Variants in STK36 observed in about 807,000 individuals in gnomAD.
The protein encoded by STK36 is serine/threonine-protein kinase 36.
A neutral mutation model predicts 142.2 loss-of-function variants in STK36; 116 were observed. The observed-to-expected ratio is 0.82, with a 90% CI of 0.70 to 0.95. STK36 has a LOEUF of 0.95. Among genes scored for constraint, STK36 ranks in the 40% least tolerant of loss-of-function variants. The pLI, the probability that STK36 is intolerant of heterozygous loss-of-function variation, is 0.00. For synonymous variants in STK36, 619 were observed against 641.7 expected, an observed-to-expected ratio of 0.96 and a Z score of 0.53; for missense variants, 1,422 against 1,617.2, an observed-to-expected ratio of 0.88 and a Z score of 2.07.
At position 218,692,705 on chromosome 2, in the gene STK36, G is replaced by T; in HGVS notation, c.2038G>T (p.Glu680Ter). Residue 680 changes from glutamate (E) to a stop codon, truncating the protein, a stop_gained, in exon 16 of 27, where the codon GAG (glutamate) becomes TAG (stop). Coordinates refer to ENST00000295709, the MANE Select transcript of STK36 (RefSeq NM_015690.5). LOFTEE classifies it high-confidence loss of function. Reference sequence around the variant, plus strand: ...ACTGCCCGACTGCTGGGATGCCAAGGAGCAGGTCCGAGCTACAATTGGTTG... The same window carrying T: ...ACTGCCCGACTGCTGGGATGCCAAGTAGCAGGTCCGAGCTACAATTGGTTG... ...VGLPDCWDAK[E>*]QVCWHLANQL... is the part of the protein sequence containing the mutation. 1 of 1,611,712 alleles carries T rather than the reference G, an allele frequency of 6.2e-7. No individual in the cohort carries two copies.
intron 12 of STK36, among the ~76,000 whole-genome samples, chr2:218,689,423 A>G (rs1008737580): frequency 6.6e-6 from 1 of 152,180 alleles, no homozygotes; most frequent in Admixed American, 6.5e-5. Context: ...TAGAGACTCA[A>G]TGTGTTTGGG....
At position 218,692,306 on chromosome 2, in the gene STK36, G is replaced by A; in HGVS notation, c.1915+13G>A. The A allele has an allele frequency of 6.2e-7, 1 of 1,613,790 alleles. No individual in the cohort carries two copies. The highest frequency in any genetic ancestry group is 8.5e-7 in the Non-Finnish European group (1 of 1,179,970). On this transcript the variant is annotated intron_variant, in intron 15 of 26. Transcript: ENST00000295709. ...CACACTCCCCAAGGTAACCAGAGTG[G>A]AGAAGGGAGGTTCTCTTGACTTACT...
rs751300269 is a variant in STK36, at chr2:218,673,779, G to T, written c.225+14G>T. 1 of 1,613,668 alleles carries T rather than the reference G, an allele frequency of 6.2e-7. No individual in the cohort carries two copies. On this transcript the variant is annotated intron_variant, in intron 3 of 26. Transcript: ENST00000295709. ...ACTGATAAAGAGGTGTGCTTTGACA[G>T]TTTTGGGCCCTGTCTCCCCAAGCAC...
intron 4 of STK36, 99 bp downstream of exon 4, chr2:218,674,055 G>T: frequency 8.5e-7 from 1 of 1,177,738 alleles, no homozygotes; most frequent in South Asian, 1.4e-5. Flanking sequence ...CCATTTCAAA[G>T]ACTTCTGAGA....
At chr2:218,672,488 C>G (rs1940030638) in intron 1 of STK36, 2 of 322,054 alleles carry the variant, frequency 6.2e-6, no homozygotes, top group East Asian at 1.5e-4. Flanking sequence ...TTGGGCGAGG[C>G]TAGGTTGAAA....
Position 218,694,366 on chromosome 2 carries a change from T to G in STK36, c.2400+39T>G, listed in dbSNP as rs1477363031. 2 of 1,583,988 alleles carry G rather than the reference T, an allele frequency of 1.3e-6. No homozygotes were observed. The highest frequency in any genetic ancestry group is 1.7e-6 in the Non-Finnish European group (2 of 1,152,830). ...CTTCACCCTCCTCCCCTTTTCACCCTAGCATCTACCCCTTGTGGAAGTGGG... is the reference window on the plus strand; with the variant it reads ...CTTCACCCTCCTCCCCTTTTCACCCGAGCATCTACCCCTTGTGGAAGTGGG... On this transcript the variant is annotated intron_variant, in intron 20 of 26. Coordinates refer to ENST00000295709, the MANE Select transcript of STK36 (RefSeq NM_015690.5). This position sits in a 1 kb window ranked among gnomAD's most constrained non-coding sequence, Gnocchi z 4.4.
intron 6 of STK36, 39 bp from the exon 7 acceptor site, chr2:218,679,129 G>T (rs1369648359): frequency 4.4e-6 from 7 of 1,591,186 alleles, no homozygotes; most frequent in Non-Finnish European, 6.0e-6. Flanking sequence ...CTTAAGGGAA[G>T]GGAAAGAATG....
At chr2:218,691,321 C>A (rs1940988409) in intron 14 of STK36, among the ~76,000 whole-genome samples, 1 of 152,172 alleles carries the variant, frequency 6.6e-6, no homozygotes, top group Non-Finnish European at 1.5e-5. Context: ...CTTTAGCTAG[C>A]ATTCACTCAG....
rs779877731 is a variant in STK36 at position 218,676,046 on chromosome 2, G to A, written c.452G>A (p.Ser151Asn). 3.7e-6 allele frequency: 6 copies of A among 1,614,000 alleles called. No homozygotes were observed. The South Asian group carries it at 6.6e-5, about 18-fold the overall frequency. Residue 151 changes from serine to asparagine, a missense_variant, in exon 6 of 27, where the codon AGC becomes AAC. Ser to Asn is a conservative substitution (Grantham distance 46). Around this residue, in one of 2 missense-constraint regions of STK36, gnomAD observed 460 missense variants for 449.6 expected, o/e 1.02. Coordinates refer to ENST00000295709, the MANE Select transcript of STK36 (RefSeq NM_015690.5). The stretch of plus-strand genomic sequence containing the variant: ...TTCTGCAGATTTGCCCGGGCTATGA[G>A]CACCAATACAATGGTGCTGACATCC... ...LCDFGFARAM[S>N]TNTMVLTSIK...
In STK36 at chr2:218,679,708, G is replaced by A; in HGVS notation, c.927G>A (p.Met309Ile). The A allele has an allele frequency of 6.2e-7, 1 of 1,614,228 alleles. No homozygotes were observed. Among genetic ancestry groups the A allele is most frequent in the Non-Finnish European group, 8.5e-7 (1 of 1,180,044 alleles). Reference sequence around the variant, plus strand: ...TCTTGACTCAGGCCTATAAACGCATGGCTGAGGAGGCCATGCAGAAGGTGT... The same window carrying A: ...TCTTGACTCAGGCCTATAAACGCATAGCTGAGGAGGCCATGCAGAAGGTGT... ...SRILTQAYKR[M>I]AEEAMQKKHQ... Residue 309 changes from methionine (M) to isoleucine (I), a missense_variant, in exon 8 of 27, where the codon ATG (methionine) becomes ATA (isoleucine). Around this residue, in one of 2 missense-constraint regions of STK36, gnomAD observed 460 missense variants for 449.6 expected, o/e 1.02. Transcript: ENST00000295709.
intron 2 of STK36, 182 bp downstream of exon 2, chr2:218,673,095 C>T (rs903863151): frequency 2.2e-5 from 12 of 550,268 alleles, no homozygotes; most frequent in African/African-American, 1.7e-4. Context: ...ATCTCCACCG[C>T]TTTCTAGCCC....
chr2:218,685,375 C>A, intron 11 of STK36, 147 bp downstream of exon 11: 1 of 1,032,552 alleles, frequency 9.7e-7, no homozygotes, highest in Non-Finnish European at 1.4e-6. Flanking sequence ...TTACCAACCT[C>A]CTTTAGTAAC....
In STK36 at chr2:218,679,884, C is replaced by T. The variant is rs767990625; in HGVS notation, c.949-9C>T. 6 of 1,611,794 alleles carry T rather than the reference C, an allele frequency of 3.7e-6. No individual in the cohort carries two copies. In the South Asian group the frequency reaches 4.4e-5, roughly 12 times the overall value. On this transcript the variant is annotated splice_polypyrimidine_tract_variant and intron_variant, in intron 8 of 26. Coordinates refer to ENST00000295709, the MANE Select transcript of STK36 (RefSeq NM_015690.5). The stretch of plus-strand genomic sequence containing the variant: ...GCTCTGATTCAGTGTTGCCCCCTAC[C>T]TCCCACAGAAACATCAGAACACAGG...
chr2:218,691,679 T>C (rs1941003799), intron 14 of STK36, among the ~76,000 whole-genome samples: 1 of 152,142 alleles, frequency 6.6e-6, no homozygotes. Context: ...TCTCGGCCTC[T>C]TGAGTAGCTG....
rs976557829 is a variant in STK36, at chr2:218,672,128, G to A, written c.-177G>A. On this transcript the variant is annotated 5_prime_UTR_variant, in exon 1 of 27. Coordinates refer to ENST00000295709, the MANE Select transcript of STK36 (RefSeq NM_015690.5). The stretch of plus-strand genomic sequence containing the variant: ...CTGAGGCAGTTCGGATGTGTCCCAG[G>A]AAGTGCCCATGTGTGGTCCGCCGTC... 6 of 819,968 alleles carry A rather than the reference G, an allele frequency of 7.3e-6. No individual in the cohort carries two copies. Among genetic ancestry groups the A allele is most frequent in the Admixed American group, 2.3e-5 (1 of 42,966 alleles). 50.8% of individuals were successfully genotyped at this position (819,968 alleles called of 1,614,324 possible).
In STK36 at chr2:218,694,718, C is replaced by G; in HGVS notation, c.2511+83C>G. 8.3e-7 allele frequency: 1 copy of G among 1,207,564 alleles called. No individual in the cohort carries two copies. Among genetic ancestry groups the G allele is most frequent in the Non-Finnish European group, 1.2e-6 (1 of 826,424 alleles). The allele number at this position is 1,207,564 out of a possible 1,614,324, so 74.8% of individuals were successfully genotyped here. A position where few individuals can be genotyped will look rare whatever the true frequency, so the allele number is the denominator to read the frequency against. On this transcript the variant is annotated intron_variant, in intron 21 of 26. Transcript: ENST00000295709. This position sits in a 1 kb window ranked among gnomAD's most constrained non-coding sequence, Gnocchi z 4.4. Reference sequence around the variant, plus strand: ...CATTCAAGGGGAAAAGACTGAAATGCCAGCAAGCCTGGAGTAAACTGAGGA... The same window carrying G: ...CATTCAAGGGGAAAAGACTGAAATGGCAGCAAGCCTGGAGTAAACTGAGGA...
chr2:218,689,741 C>G, intron 12 of STK36, 118 bp from the exon 13 acceptor site: 1 of 837,158 alleles, frequency 1.2e-6, no homozygotes, highest in Non-Finnish European at 1.9e-6. Flanking sequence ...TACTTCTCTT[C>G]TGTCCCTTTC....
intron 6 of STK36, among the ~76,000 whole-genome samples, chr2:218,678,291 T>C (rs1575123461): frequency 6.6e-6 from 1 of 152,284 alleles, no homozygotes; most frequent in Admixed American, 6.5e-5. Flanking sequence ...GGATTTTCAA[T>C]AGAATTTAAA....
At chr2:218,693,420 A>G in intron 17 of STK36, 76 bp downstream of exon 17, 6 of 1,382,826 alleles carry the variant, frequency 4.3e-6, no homozygotes, top group Non-Finnish European at 6.1e-6. Flanking sequence ...GAAACAGACC[A>G]AGAGAGGAGG....
Sources: gnomAD v4.1 joint callset for allele counts (sites outside exome capture counted in the v4.1 genomes callset) on GRCh38, gnomAD v4.1.1 for gene constraint, gnomAD v4.1.1 regional missense constraint, Gnocchi (gnomAD v3.1) non-coding constraint, MANE v1.5 for transcripts, NCBI Gene and HGNC (gene_info 2026-07-23, HGNC 2026-07-21) for gene names.